Variants in FBXL2 observed in about 807,000 individuals in gnomAD.
The protein encoded by FBXL2 is F-box and leucine rich repeat protein 2, also known as F-box/LRR-repeat protein 2.
FBXL2 carries 38 observed loss-of-function variants against 69.2 expected under a neutral mutation model. That is an observed-to-expected ratio of 0.55 (90% CI 0.42 to 0.72). FBXL2 has a LOEUF of 0.72. Among genes scored for constraint, FBXL2 ranks in the 30% least tolerant of loss-of-function variants. The probability of loss-of-function intolerance (pLI) is 0.00; values close to 1 mark genes in which losing one functional copy is unlikely to be tolerated. For missense variants in FBXL2, 354 were observed against 520.3 expected (o/e 0.68, Z 3.11); for synonymous variants, 192 against 201.3 (o/e 0.95, Z 0.39).
chr3:33,387,566 C>G lies in FBXL2; in HGVS notation c.*1958C>G, dbSNP rs764875134. The G allele has an allele frequency of 6.6e-6, 1 of 152,284 alleles. No homozygotes were observed. The highest frequency in any genetic ancestry group is 2.1e-4 in the South Asian group (1 of 4,826). 9.4% of individuals were successfully genotyped at this position (152,284 alleles called of 1,614,324 possible). On this transcript the variant is annotated 3_prime_UTR_variant, in exon 15 of 15. Coordinates refer to ENST00000484457, the MANE Select transcript of FBXL2 (RefSeq NM_012157.5). Reference sequence around the variant, plus strand: ...GCAGTGAGCCGAGATTGTGCCATTGCACTCCATCCAGCCCAGGAGACAACA... The same window carrying G: ...GCAGTGAGCCGAGATTGTGCCATTGGACTCCATCCAGCCCAGGAGACAACA...
chr3:33,358,203 C>T (rs1448141569), intron 2 of FBXL2, among the ~76,000 whole-genome samples: 2 of 152,166 alleles, frequency 1.3e-5, no homozygotes, highest in African/African-American at 2.4e-5. Flanking sequence ...TCAACCCTGT[C>T]CACCCTTCTT....
At chr3:33,422,135 A>G in the FBXL2 span, among the ~76,000 whole-genome samples, 3 of 152,254 alleles carry the variant, frequency 2.0e-5, no homozygotes, top group African/African-American at 7.2e-5. Flanking sequence ...TGTTTGTCTT[A>G]TTACTTTAAA....
At chr3:33,292,047 TC>T (rs1314531087) in intron 1 of FBXL2, among the ~76,000 whole-genome samples, 35 of 152,228 alleles carry the variant, frequency 2.3e-4, no homozygotes, top group African/African-American at 7.9e-4. Flanking sequence ...AAGGATCATT[TC>T]TAGAAAAAAG....
chr3:33,404,017 G>A (rs902757888), downstream of FBXL2, among the ~76,000 whole-genome samples: 22 of 152,152 alleles, frequency 1.4e-4, no homozygotes, highest in Middle Eastern at 3.4e-3. Flanking sequence ...AGGCCAAGGC[G>A]GTAGCCCAGG....
intron 5 of FBXL2, among the ~76,000 whole-genome samples, chr3:33,364,994 C>T (rs1319972450): frequency 6.6e-6 from 1 of 152,174 alleles, no homozygotes; most frequent in African/African-American, 2.4e-5. Flanking sequence ...TCCCACAGGA[C>T]TGTCATAGGC....
At chr3:33,374,506 G>A (rs1477990302) in intron 9 of FBXL2, among the ~76,000 whole-genome samples, 4 of 152,118 alleles carry the variant, frequency 2.6e-5, no homozygotes, top group African/African-American at 9.7e-5. Flanking sequence ...GAAAGGTAAG[G>A]GAAAACCCTT....
intron 1 of FBXL2, among the ~76,000 whole-genome samples, chr3:33,282,401 T>A (rs1337490371): frequency 6.6e-6 from 1 of 152,170 alleles, no homozygotes; most frequent in Non-Finnish European, 1.5e-5. Flanking sequence ...GTTCCATTGG[T>A]GTATATATCT....
At position 33,378,118 on chromosome 3, in the gene FBXL2, GAGA is replaced by G. The variant is rs1217396766; in HGVS notation, c.869_871del (p.Lys290del). On this transcript the variant is annotated inframe_deletion, in exon 12 of 15. Coordinates refer to ENST00000484457, the MANE Select transcript of FBXL2 (RefSeq NM_012157.5). ...ACTCTTCCAGAATTGCCACGAATTG[GAGA>G]AGATGGATCTTGAAGAATGCATCCT... is the stretch of plus-strand genomic sequence containing the variant. 1 of 1,614,068 alleles carries G rather than the reference GAGA, an allele frequency of 6.2e-7. No homozygotes were observed. Among genetic ancestry groups the G allele is most frequent in the Non-Finnish European group, 8.5e-7 (1 of 1,180,036 alleles).
intron 13 of FBXL2, among the ~76,000 whole-genome samples, chr3:33,381,347 T>A (rs527993284): frequency 6.6e-6 from 1 of 152,182 alleles, no homozygotes; most frequent in Non-Finnish European, 1.5e-5. Flanking sequence ...AATCCATATG[T>A]AAATAAAATG....
At chr3:33,420,655 A>G in the FBXL2 span, among the ~76,000 whole-genome samples, 1 of 152,014 alleles carries the variant, frequency 6.6e-6, no homozygotes, top group Non-Finnish European at 1.5e-5. Flanking sequence ...CGCCCAGCTA[A>G]TTTTTGTATT....
At chr3:33,412,531 C>T in the FBXL2 span, among the ~76,000 whole-genome samples, 1 of 146,534 alleles carries the variant, frequency 6.8e-6, no homozygotes, top group South Asian at 2.2e-4. Flanking sequence ...TGCAGTGAGC[C>T]AAGACTGTGC....
intron 1 of FBXL2, among the ~76,000 whole-genome samples, chr3:33,288,068 A>G (rs995862761): frequency 6.6e-6 from 1 of 152,156 alleles, no homozygotes; most frequent in African/African-American, 2.4e-5. Context: ...TGTAGTGTCT[A>G]TATCAGCCAC....
At chr3:33,378,231 C>G in intron 12 of FBXL2, 84 bp downstream of exon 12, 3 of 1,334,164 alleles carry the variant, frequency 2.2e-6, no homozygotes, top group Non-Finnish European at 3.2e-6. Flanking sequence ...GACACTGACT[C>G]GCTATCATCC....
At chr3:33,369,455 TTTGA>T (rs1263121933) in intron 5 of FBXL2, among the ~76,000 whole-genome samples, 1 of 152,206 alleles carries the variant, frequency 6.6e-6, no homozygotes, top group Non-Finnish European at 1.5e-5. Flanking sequence ...TGACTGCATC[TTTGA>T]TTTAGTACAG....
intron 2 of FBXL2, among the ~76,000 whole-genome samples, chr3:33,311,816 G>A (rs998433948): frequency 2.0e-4 from 31 of 152,036 alleles, no homozygotes; most frequent in African/African-American, 6.5e-4. Flanking sequence ...AGTAGAGACG[G>A]GGTTTCACCG....
At chr3:33,326,011 C>A (rs2038661632) in intron 2 of FBXL2, among the ~76,000 whole-genome samples, 1 of 152,166 alleles carries the variant, frequency 6.6e-6, no homozygotes, top group Admixed American at 6.5e-5. Context: ...TGTCATTTTT[C>A]TCTCTTTAAA....
intron 2 of FBXL2, among the ~76,000 whole-genome samples, chr3:33,315,999 C>T (rs1255882276): frequency 1.3e-5 from 2 of 151,338 alleles, no homozygotes; most frequent in African/African-American, 4.8e-5. Flanking sequence ...TGACTTTCTT[C>T]TCATCCCCAG....
At chr3:33,422,558 G>A in the FBXL2 span, among the ~76,000 whole-genome samples, 4 of 151,844 alleles carry the variant, frequency 2.6e-5, no homozygotes, top group Admixed American at 2.0e-4. Context: ...CCATCTCTAC[G>A]AAAATTTTTT....
At chr3:33,345,764 A>C (rs1157476527) in intron 2 of FBXL2, among the ~76,000 whole-genome samples, 1 of 152,234 alleles carries the variant, frequency 6.6e-6, no homozygotes, top group East Asian at 1.9e-4. Context: ...AAATATTTGG[A>C]GATTAAACAA....
Sources: gnomAD v4.1 joint callset for allele counts (sites outside exome capture counted in the v4.1 genomes callset) on GRCh38, gnomAD v4.1.1 for gene constraint, MANE v1.5 for transcripts, NCBI Gene and HGNC (gene_info 2026-07-23, HGNC 2026-07-21) for gene names.